Variants in SDC2 observed in about 807,000 individuals in gnomAD.
SDC2 encodes syndecan 2.
Under a neutral mutation model 22.2 loss-of-function variants are expected in SDC2, and 13 were observed. The observed-to-expected ratio is 0.59, with a 90% CI of 0.38 to 0.93. The LOEUF is 0.93. Ranked by LOEUF, SDC2 falls within the 40% of genes least tolerant of loss-of-function variation. The pLI is 0.00. For missense variants in SDC2, 235 were observed against 246.8 expected (o/e 0.95, Z 0.32); for synonymous variants, 94 against 92.8 (o/e 1.01, Z -0.07).
chr8:96,556,429 T>C (rs977019695), intron 1 of SDC2, among the ~76,000 whole-genome samples: 11 of 151,444 alleles, frequency 7.3e-5, no homozygotes, highest in South Asian at 2.1e-4. Flanking sequence ...AACAGAGATA[T>C]AGATCAATGG....
intron 1 of SDC2, among the ~76,000 whole-genome samples, chr8:96,501,712 A>G (rs76751849): frequency 0.19 from 28,187 of 152,074 alleles, 3,411 homozygotes; most frequent in East Asian, 0.53. Context: ...ATACACATGT[A>G]ATTAACTGTC....
chr8:96,578,386 C>T (rs896516668), intron 1 of SDC2, among the ~76,000 whole-genome samples: 2 of 152,146 alleles, frequency 1.3e-5, no homozygotes, highest in East Asian at 1.9e-4. Context: ...CACATATCAG[C>T]GACTCAATAG....
intron 1 of SDC2, among the ~76,000 whole-genome samples, chr8:96,537,637 C>A (rs550763939): frequency 6.6e-6 from 1 of 152,116 alleles, no homozygotes; most frequent in Non-Finnish European, 1.5e-5. Flanking sequence ...AATTTTTCTT[C>A]TGTATGATTT....
chr8:96,523,095 C>T (rs868599913), intron 1 of SDC2, among the ~76,000 whole-genome samples: 8 of 152,244 alleles, frequency 5.3e-5, no homozygotes, highest in Middle Eastern at 3.4e-3. Context: ...TTAGTTGCTC[C>T]ATAGTAAATG....
At chr8:96,548,908 G>A (rs536256538) in intron 1 of SDC2, among the ~76,000 whole-genome samples, 54 of 152,306 alleles carry the variant, frequency 3.5e-4, no homozygotes, top group African/African-American at 1.2e-3. Context: ...CCCCAATTCC[G>A]TGGGGGACAG....
chr8:96,558,813 T>C (rs1022702198), intron 1 of SDC2, among the ~76,000 whole-genome samples: 2 of 145,662 alleles, frequency 1.4e-5, no homozygotes, highest in Admixed American at 1.4e-4. Context: ...ATAATCACAT[T>C]TGAATATGTG....
At chr8:96,597,765 T>G (rs999776880) in intron 2 of SDC2, among the ~76,000 whole-genome samples, 2 of 152,194 alleles carry the variant, frequency 1.3e-5, no homozygotes, top group African/African-American at 4.8e-5. Flanking sequence ...CAGAGGATAT[T>G]CATTCATTGA....
At chr8:96,609,024 A>G (rs1294809656) in intron 4 of SDC2, among the ~76,000 whole-genome samples, 1 of 152,238 alleles carries the variant, frequency 6.6e-6, no homozygotes, top group East Asian at 1.9e-4. Context: ...TAAAATTTTA[A>G]GTCAATTATA....
At chr8:96,511,534 A>C (rs1182460040) in intron 1 of SDC2, among the ~76,000 whole-genome samples, 4 of 152,188 alleles carry the variant, frequency 2.6e-5, no homozygotes, top group Non-Finnish European at 5.9e-5. Context: ...CCCTTAATTT[A>C]AAAGTTTTGT....
At chr8:96,555,674 A>C (rs767423504) in intron 1 of SDC2, among the ~76,000 whole-genome samples, 20 of 152,222 alleles carry the variant, frequency 1.3e-4, no homozygotes, top group Admixed American at 2.6e-4. Flanking sequence ...GTAATACGTC[A>C]TGGTTTTGAA....
At chr8:96,500,041 G>T (rs1269065565) in intron 1 of SDC2, among the ~76,000 whole-genome samples, 1 of 152,208 alleles carries the variant, frequency 6.6e-6, no homozygotes, top group Non-Finnish European at 1.5e-5. Context: ...TTATGGTTCA[G>T]GGTCAACTGA....
At chr8:96,529,040 G>C (rs1418627917) in intron 1 of SDC2, among the ~76,000 whole-genome samples, 1 of 152,164 alleles carries the variant, frequency 6.6e-6, no homozygotes, top group East Asian at 1.9e-4. Context: ...GATGCCCCTC[G>C]GCCCTAAAGA....
intron 2 of SDC2, among the ~76,000 whole-genome samples, chr8:96,602,187 A>G (rs983815651): frequency 1.3e-5 from 2 of 152,242 alleles, no homozygotes; most frequent in Non-Finnish European, 2.9e-5. Context: ...ACTATTAAGG[A>G]AAAACTTGCT....
intron 1 of SDC2, among the ~76,000 whole-genome samples, chr8:96,505,164 A>C (rs989556943): frequency 2.6e-5 from 4 of 152,202 alleles, no homozygotes; most frequent in African/African-American, 9.7e-5. Flanking sequence ...TTCCCCTGTC[A>C]CCCATATTTC....
intron 1 of SDC2, among the ~76,000 whole-genome samples, chr8:96,551,995 C>G (rs1408865839): frequency 6.6e-6 from 1 of 152,152 alleles, no homozygotes; most frequent in Admixed American, 6.6e-5. Flanking sequence ...GGTGAGTGTT[C>G]ATGCTGCGTC....
chr8:96,524,016 G>A (rs1410398307), intron 1 of SDC2, among the ~76,000 whole-genome samples: 1 of 152,170 alleles, frequency 6.6e-6, no homozygotes, highest in Admixed American at 6.5e-5. Context: ...GTAAAGTGGA[G>A]TATTTTTCTT....
At chr8:96,540,254 G>A (rs1178033984) in intron 1 of SDC2, among the ~76,000 whole-genome samples, 1 of 151,112 alleles carries the variant, frequency 6.6e-6, no homozygotes, top group Non-Finnish European at 1.5e-5. Flanking sequence ...TACTTTGGGA[G>A]GCCGAGGTGG....
At chr8:96,520,620 C>T (rs1813481992) in intron 1 of SDC2, among the ~76,000 whole-genome samples, 1 of 152,098 alleles carries the variant, frequency 6.6e-6, no homozygotes, top group Non-Finnish European at 1.5e-5. Context: ...AACCCATTGG[C>T]GTGTTGAGAG....
chr8:96,570,733 T>C (rs1814379938), intron 1 of SDC2, among the ~76,000 whole-genome samples: 1 of 152,220 alleles, frequency 6.6e-6, no homozygotes, highest in South Asian at 2.1e-4. Flanking sequence ...AATATCTCAA[T>C]AATTTTTACA....
Sources: gnomAD v4.1 joint callset for allele counts (sites outside exome capture counted in the v4.1 genomes callset) on GRCh38, gnomAD v4.1.1 for gene constraint, MANE v1.5 for transcripts, NCBI Gene and HGNC (gene_info 2026-07-23, HGNC 2026-07-21) for gene names.